Variants in KCNJ16 observed in about 807,000 individuals in gnomAD.
The protein encoded by KCNJ16 is inward rectifier potassium channel 16.
In KCNJ16, 15 loss-of-function variants were observed where a neutral mutation model predicts 18.5. That is an observed-to-expected ratio of 0.81 (90% CI 0.54 to 1.25). KCNJ16 has a LOEUF of 1.25. KCNJ16 is among the 50% of genes most tolerant of loss of function. KCNJ16 has a pLI of 0.00. For missense variants in KCNJ16, 523 were observed against 525.7 expected (o/e 0.99, Z 0.05); for synonymous variants, 174 against 186.5 (o/e 0.93, Z 0.55).
chr17:70,102,134 C>T (rs938170399), intron 2 of KCNJ16: 3 of 149,680 alleles, frequency 2.0e-5, no homozygotes, highest in Non-Finnish European at 4.4e-5. Context: ...AAATAGTATT[C>T]CATTCTCTCC....
chr17:70,131,988 T>G lies in KCNJ16; in HGVS notation c.-93-7T>G. The G allele has an allele frequency of 6.4e-7, 1 of 1,556,586 alleles. No homozygotes were observed. Among genetic ancestry groups the G allele is most frequent in the South Asian group, 1.2e-5 (1 of 85,456 alleles). On this transcript the variant is annotated splice_polypyrimidine_tract_variant and splice_region_variant and intron_variant, in intron 3 of 3. Coordinates refer to ENST00000392671, the MANE Select transcript of KCNJ16 (RefSeq NM_170741.4). ...AAAAGTGTGTTTTTGTTGTTGTTGT[T>G]TTTTAGGTTCTAACTGAAAACCCAA... is the stretch of plus-strand genomic sequence containing the variant.
chr17:70,099,731 A>G (rs952289819), intron 1 of KCNJ16, among the ~76,000 whole-genome samples: 1 of 152,004 alleles, frequency 6.6e-6, no homozygotes, highest in Non-Finnish European at 1.5e-5. Context: ...GTTTGGGAGT[A>G]GATACAAGGA....
chr17:70,089,844 A>G (rs1246120517), intron 1 of KCNJ16, among the ~76,000 whole-genome samples: 1 of 152,224 alleles, frequency 6.6e-6, no homozygotes, highest in Non-Finnish European at 1.5e-5. Flanking sequence ...TAATTATATC[A>G]CACTCAAGAT....
intron 2 of KCNJ16, chr17:70,128,022 C>G (rs2073914278): frequency 6.6e-6 from 1 of 152,166 alleles, no homozygotes; most frequent in African/African-American, 2.4e-5. Context: ...GTGTTGTACC[C>G]TCGGCATGAG....
chr17:70,110,480 G>GCACA lies in KCNJ16; in HGVS notation c.-191+9715_-191+9716insACAC, dbSNP rs1337834954. 5.0e-3 allele frequency among the ~76,000 whole-genome samples: 752 copies of GCACA among 151,114 alleles called. 3 individuals carry two copies. Among genetic ancestry groups the GCACA allele is most frequent in the African/African-American group, 0.017 (706 of 40,960 alleles). On this transcript the variant is annotated intron_variant, in intron 2 of 3. Transcript: ENST00000392671. ...ACTTACACACCTACACACTTCGTGC[G>GCACA]CGCACACACACACACACACACAAAC... is the stretch of plus-strand genomic sequence containing the variant.
intron 1 of KCNJ16, among the ~76,000 whole-genome samples, chr17:70,078,420 C>T (rs1196272773): frequency 6.6e-6 from 1 of 152,110 alleles, no homozygotes; most frequent in Non-Finnish European, 1.5e-5. Flanking sequence ...ATTTTATTTT[C>T]CTTATATGAA....
At chr17:70,107,689 A>T (rs2024054) in intron 2 of KCNJ16, among the ~76,000 whole-genome samples, 17,960 of 141,980 alleles carry the variant, frequency 0.13, 1,563 homozygotes, top group African/African-American at 0.31. Flanking sequence ...CAATTTTTTT[A>T]AAAAAAAAAT....
chr17:70,085,116 A>T (rs983477748), intron 1 of KCNJ16, among the ~76,000 whole-genome samples: 1 of 152,172 alleles, frequency 6.6e-6, no homozygotes. Context: ...TTATTTCCAC[A>T]TCTCAATTGT....
intron 2 of KCNJ16, among the ~76,000 whole-genome samples, chr17:70,112,837 A>AT (rs2073245773): frequency 6.6e-6 from 1 of 152,184 alleles, no homozygotes; most frequent in Non-Finnish European, 1.5e-5. Flanking sequence ...CCATGTAGCC[A>AT]TACCATACAC....
intron 2 of KCNJ16, among the ~76,000 whole-genome samples, chr17:70,103,861 G>A (rs1003143643): frequency 8.6e-5 from 13 of 151,584 alleles, no homozygotes; most frequent in African/African-American, 3.1e-4. Context: ...TTTTCTACCA[G>A]CTCCATTATC....
chr17:70,112,051 T>C (rs2073208637), intron 2 of KCNJ16, among the ~76,000 whole-genome samples: 1 of 152,186 alleles, frequency 6.6e-6, no homozygotes, highest in African/African-American at 2.4e-5. Context: ...GTGGTCCTGC[T>C]CAGGAGAGGA....
At position 70,095,870 on chromosome 17, in the gene KCNJ16, C is replaced by CTCTTTTTTTTT. The variant is rs1567784556; in HGVS notation, c.-299-4787_-299-4786insCTTTTTTTTTT. On this transcript the variant is annotated intron_variant, in intron 1 of 3. Coordinates refer to ENST00000392671, the MANE Select transcript of KCNJ16 (RefSeq NM_170741.4). ...ATTTGGCATTTTATATTACTTAATC[C>CTCTTTTTTTTT]TTTTTTTTTTTTTTTTTTTTTTTTT... Among the ~76,000 whole-genome samples, 6 of 95,402 alleles carry CTCTTTTTTTTT rather than the reference C, an allele frequency of 6.3e-5. 1 individual carries two copies. Among genetic ancestry groups the CTCTTTTTTTTT allele is most frequent in the African/African-American group, 2.5e-4 (6 of 24,246 alleles). The allele number at this position is 95,402 out of a possible 152,430, so 62.6% of individuals were successfully genotyped here.
At chr17:70,131,845 A>G (rs1421798105) in intron 3 of KCNJ16, 150 bp from the exon 4 acceptor site, 2 of 674,950 alleles carry the variant, frequency 3.0e-6, no homozygotes, top group East Asian at 5.5e-5. Flanking sequence ...TAAATTCTAA[A>G]CTGAAATGAG....
intron 1 of KCNJ16, among the ~76,000 whole-genome samples, chr17:70,091,848 A>C (rs991680105): frequency 6.6e-6 from 1 of 152,142 alleles, no homozygotes; most frequent in Admixed American, 6.5e-5. Context: ...TTTACATTTA[A>C]TCGGGGAGTG....
Position 70,132,581 on chromosome 17 carries a change from T to C in KCNJ16, c.494T>C (p.Ile165Thr), listed in dbSNP as rs751396290. 6.1e-5 allele frequency: 98 copies of C among 1,614,102 alleles called. No individual in the cohort carries two copies. Among genetic ancestry groups the C allele is most frequent in the Non-Finnish European group, 6.8e-5 (80 of 1,180,034 alleles). ...AGTTGCATCATAAATACCTTTATCA[T>C]TGGAGCTGCCTTGGCCAAAATGGCA... ...ILSCIINTFI[I>T]GAALAKMATA... Residue 165 changes from isoleucine to threonine, a missense_variant, in exon 4 of 4, where the codon ATT becomes ACT. Transcript: ENST00000392671.
intron 2 of KCNJ16, among the ~76,000 whole-genome samples, chr17:70,104,066 G>A (rs979201609): frequency 6.6e-6 from 1 of 151,020 alleles, no homozygotes; most frequent in Non-Finnish European, 1.5e-5. Context: ...CATCCCAGGC[G>A]ATCCTCCTAC....
chr17:70,096,998 C>A, intron 1 of KCNJ16: 1 of 396,860 alleles, frequency 2.5e-6, no homozygotes, highest in South Asian at 1.3e-4. Flanking sequence ...CTTTTGAACC[C>A]TATTACAATC....
At chr17:70,118,238 A>G (rs189811841) in intron 2 of KCNJ16, among the ~76,000 whole-genome samples, 309 of 152,208 alleles carry the variant, frequency 2.0e-3, no homozygotes, top group African/African-American at 7.0e-3. Context: ...AGAGGGGAAC[A>G]TCACACACTG....
intron 1 of KCNJ16, among the ~76,000 whole-genome samples, chr17:70,079,648 A>G (rs1331762835): frequency 6.6e-6 from 1 of 152,212 alleles, no homozygotes; most frequent in Non-Finnish European, 1.5e-5. Flanking sequence ...GCCTAAAAAT[A>G]CCATCATTTG....
Sources: allele counts gnomAD v4.1 joint callset (sites outside exome capture counted in the v4.1 genomes callset), GRCh38; gene constraint gnomAD v4.1.1; transcripts MANE v1.5; gene names NCBI Gene and HGNC (gene_info 2026-07-23, HGNC 2026-07-21).